The following GLB1 variants were observed in gnomAD, a reference collection of about 807,000 sequenced individuals.
GLB1 encodes beta-galactosidase.
In GLB1, 56 loss-of-function variants were observed where a neutral mutation model predicts 74.0. The ratio of observed to expected loss-of-function variants is 0.76; its 90% CI spans 0.61 to 0.94. The LOEUF is 0.94. GLB1 is among the 40% of genes least tolerant of loss of function. GLB1 has a pLI of 0.00. For synonymous variants in GLB1, 323 were observed against 323.6 expected (o/e 1.00, Z 0.02); for missense variants, 787 against 845.5 (o/e 0.93, Z 0.86).
chr3:33,015,278 C>T (rs1030098547), intron 14 of GLB1, among the ~76,000 whole-genome samples: 2 of 152,148 alleles, frequency 1.3e-5, no homozygotes, highest in African/African-American at 4.8e-5. Context: ...AGCACCTCAG[C>T]CATCATCACA....
chr3:33,078,453 C>T (rs1700207513), intron 1 of GLB1, among the ~76,000 whole-genome samples: 1 of 152,186 alleles, frequency 6.6e-6, no homozygotes. Context: ...CATTATGTCT[C>T]TCATGTTATG....
In GLB1 at chr3:33,093,160, C is replaced by T; in HGVS notation, c.75+3851G>A. 6.2e-7 allele frequency: 1 copy of T among 1,614,128 alleles called. No homozygotes were observed. The highest frequency in any genetic ancestry group is 1.1e-5 in the South Asian group (1 of 91,080). Reference sequence around the variant, plus strand: ...GCCTTGTCAAGATCCATGCCATGGCCAGAGTAGTGCAGGATGTCTGCTTCA... The same window carrying T: ...GCCTTGTCAAGATCCATGCCATGGCTAGAGTAGTGCAGGATGTCTGCTTCA... On this transcript the variant is annotated intron_variant, in intron 1 of 15. Coordinates refer to ENST00000307363, the MANE Select transcript of GLB1 (RefSeq NM_000404.4). The surrounding 1 kb of genome is among the most constrained non-coding windows in gnomAD (Gnocchi z 6.0).
At chr3:33,070,188 C>A (rs562693981) in intron 2 of GLB1, among the ~76,000 whole-genome samples, 1 of 152,234 alleles carries the variant, frequency 6.6e-6, no homozygotes, top group African/African-American at 2.4e-5. Context: ...ACCACATTTT[C>A]TTTATCCAGT....
At chr3:32,976,487 C>G in the GLB1 span, among the ~76,000 whole-genome samples, 2 of 152,210 alleles carry the variant, frequency 1.3e-5, no homozygotes, top group Non-Finnish European at 2.9e-5. Context: ...GCTTCCTCCC[C>G]AAGCTTGACA....
At chr3:33,026,340 C>T (rs1697754766) in intron 10 of GLB1, among the ~76,000 whole-genome samples, 1 of 152,216 alleles carries the variant, frequency 6.6e-6, no homozygotes, top group African/African-American at 2.4e-5. Flanking sequence ...CATGCCAGCC[C>T]CCTGCCACCT....
Position 33,020,618 on chromosome 3 carries a change from C to T in GLB1, c.1233+948G>A, listed in dbSNP as rs117464999. Among the ~76,000 whole-genome samples the T allele has an allele frequency of 3.1e-3, 465 of 152,074 alleles. 5 individuals carry two copies. In the Middle Eastern group the frequency reaches 0.037, roughly 12 times the overall value. ...AGAGAGACTTAGGAACAGTTTCAGA[C>T]GGAAGAAGACTAAGGAGAATATAAT... On this transcript the variant is annotated intron_variant, in intron 12 of 15. Transcript: ENST00000307363.
chr3:33,025,892 T>C (rs1054009586), intron 10 of GLB1, among the ~76,000 whole-genome samples: 4 of 152,142 alleles, frequency 2.6e-5, no homozygotes, highest in Admixed American at 6.5e-5. Flanking sequence ...CTGTTGACCC[T>C]GGCCCCGCGT....
At chr3:32,993,555 A>C, downstream of GLB1, among the ~76,000 whole-genome samples, 1 of 79,526 alleles carries the variant, frequency 1.3e-5, no homozygotes, top group Non-Finnish European at 2.3e-5. Flanking sequence ...TTTTTTTGAG[A>C]CGGTGTCTCA....
At chr3:32,999,621 G>A (rs1016064092) in intron 15 of GLB1, among the ~76,000 whole-genome samples, 5 of 152,152 alleles carry the variant, frequency 3.3e-5, no homozygotes, top group African/African-American at 4.8e-5. Flanking sequence ...CTGGGTTAGC[G>A]TTGGTCAGAA....
chr3:33,077,416 C>G, intron 1 of GLB1: 1 of 938,128 alleles, frequency 1.1e-6, no homozygotes, highest in Non-Finnish European at 1.7e-6. Flanking sequence ...ATGAAAGAGA[C>G]ACACCTGCTC....
Position 33,074,360 on chromosome 3 carries a change from G to GAAA in GLB1, c.76-1648_76-1647insTTT, listed in dbSNP as rs1371749021. 9.4e-4 allele frequency among the ~76,000 whole-genome samples: 102 copies of GAAA among 108,976 alleles called. 8 individuals are homozygous for GAAA. The highest frequency in any genetic ancestry group is 3.2e-3 in the African/African-American group (96 of 30,420). 71.5% of individuals were successfully genotyped at this position (108,976 alleles called of 152,430 possible). A position where few individuals can be genotyped will look rare whatever the true frequency, so the allele number is the denominator to read the frequency against. On this transcript the variant is annotated intron_variant, in intron 1 of 15. Transcript: ENST00000307363. Reference sequence around the variant, plus strand: ...AGGAAGGAAGGAAGGAAGGAAGGAAGGAAGGAAGGAAGGAAGGAAGGAAGG... The same window carrying GAAA: ...AGGAAGGAAGGAAGGAAGGAAGGAAGAAAGAAGGAAGGAAGGAAGGAAGGAAGG...
At chr3:33,084,035 T>G (rs1204263279) in intron 1 of GLB1, among the ~76,000 whole-genome samples, 1 of 152,184 alleles carries the variant, frequency 6.6e-6, no homozygotes, top group Non-Finnish European at 1.5e-5. Flanking sequence ...TGATCTGTCT[T>G]CAGGTCCTTC....
At chr3:33,054,540 G>C (rs1157235926) in intron 6 of GLB1, among the ~76,000 whole-genome samples, 1 of 152,168 alleles carries the variant, frequency 6.6e-6, no homozygotes, top group Non-Finnish European at 1.5e-5. Context: ...GGATGAGCCT[G>C]GTTTGAAGAT....
chr3:33,077,203 C>A, intron 1 of GLB1: 1 of 1,511,546 alleles, frequency 6.6e-7, no homozygotes, highest in South Asian at 1.2e-5. Flanking sequence ...AGGCGCTTGC[C>A]GTGGCAGATG....
intron 12 of GLB1, among the ~76,000 whole-genome samples, chr3:33,021,058 T>C (rs1697450509): frequency 6.8e-6 from 1 of 146,790 alleles, no homozygotes; most frequent in African/African-American, 2.5e-5. Flanking sequence ...GATGAGGCAG[T>C]GTCTGGAGAT....
At chr3:32,984,941 CAAA>C in the GLB1 span, among the ~76,000 whole-genome samples, 2 of 127,582 alleles carry the variant, frequency 1.6e-5, no homozygotes, top group African/African-American at 2.9e-5. Flanking sequence ...GACTCTGTCT[CAAA>C]AAAAAAAAAA....
chr3:33,042,370 C>CTTTTTTTTTTTTTTTTTTTTTTTTT (rs66685286), intron 10 of GLB1, among the ~76,000 whole-genome samples: 1 of 99,240 alleles, frequency 1.0e-5, no homozygotes, highest in Non-Finnish European at 2.0e-5. Context: ...TCATCTCCTC[C>CTTTTTTTTTTTTTTTTTTTTTTTTT]TTTTTTTTTT....
the GLB1 span, among the ~76,000 whole-genome samples, chr3:32,967,459 A>G: frequency 2.4e-4 from 36 of 152,222 alleles, no homozygotes; most frequent in African/African-American, 7.9e-4. Flanking sequence ...CCCAGCTACT[A>G]GGGAGGCTGA....
the GLB1 span, among the ~76,000 whole-genome samples, chr3:32,968,094 G>A: frequency 1.3e-5 from 2 of 152,300 alleles, no homozygotes; most frequent in South Asian, 4.2e-4. Flanking sequence ...TACATTAACC[G>A]AGATCAGGAG....
Sources: allele counts gnomAD v4.1 joint callset (sites outside exome capture counted in the v4.1 genomes callset), GRCh38; gene constraint gnomAD v4.1.1; non-coding constraint Gnocchi (gnomAD v3.1); transcripts MANE v1.5; gene names NCBI Gene and HGNC (gene_info 2026-07-23, HGNC 2026-07-21).